NBAS: variants seen among roughly 807,000 people sequenced by gnomAD.
The protein encoded by NBAS is NBAS subunit of NRZ tethering complex, also known as NAG/BC035112 fusion.
Under a neutral mutation model 302.5 loss-of-function variants are expected in NBAS, and 219 were observed. The ratio of observed to expected loss-of-function variants is 0.72; its 90% confidence interval spans 0.65 to 0.81. The LOEUF (loss-of-function observed/expected upper bound fraction) is 0.81, where lower values mean the gene tolerates loss of function less well. NBAS is among the 30% of genes least tolerant of loss of function. The pLI, the probability that NBAS is intolerant of heterozygous loss-of-function variation, is 0.00. For synonymous variants in NBAS, 1,118 were observed against 1,021.6 expected (o/e 1.09, Z -1.80); for missense variants, 2,932 against 2,841.6 (o/e 1.03, Z -0.72).
intron 31 of NBAS, among the ~76,000 whole-genome samples, chr2:15,369,217 T>C (rs1407823347): frequency 6.6e-6 from 1 of 152,208 alleles, no homozygotes; most frequent in Admixed American, 6.5e-5. Flanking sequence ...GCTTTGTTGA[T>C]GAATTATTGT....
chr2:15,118,138 C>T, the NBAS span, among the ~76,000 whole-genome samples: 3 of 152,312 alleles, frequency 2.0e-5, no homozygotes, highest in South Asian at 6.2e-4. Context: ...CTATCTCGAC[C>T]GTGTCAGGCG....
intron 12 of NBAS, among the ~76,000 whole-genome samples, chr2:15,484,903 G>A (rs549527858): frequency 6.6e-6 from 1 of 152,088 alleles, no homozygotes; most frequent in South Asian, 2.1e-4. Context: ...GTTACACATA[G>A]GCTTTATTAT....
At chr2:15,238,962 A>G (rs1207328160) in intron 44 of NBAS, among the ~76,000 whole-genome samples, 1 of 152,196 alleles carries the variant, frequency 6.6e-6, no homozygotes, top group African/African-American at 2.4e-5. Context: ...GTTACAGTGC[A>G]AAAATGAGGA....
At chr2:15,457,287 T>C (rs1679290963) in intron 21 of NBAS, among the ~76,000 whole-genome samples, 1 of 152,168 alleles carries the variant, frequency 6.6e-6, no homozygotes, top group Admixed American at 6.5e-5. Context: ...TATTAAAAAG[T>C]CATTATTACT....
chr2:14,933,140 C>T, the NBAS span, among the ~76,000 whole-genome samples: 1 of 152,312 alleles, frequency 6.6e-6, no homozygotes, highest in Admixed American at 6.5e-5. Context: ...GGTTAAGTTA[C>T]TTGCTTGATA....
At chr2:15,550,320 AT>A (rs1482502172) in intron 6 of NBAS, among the ~76,000 whole-genome samples, 1 of 152,216 alleles carries the variant, frequency 6.6e-6, no homozygotes, top group East Asian at 1.9e-4. Flanking sequence ...TTAAGATAAA[AT>A]ATTTATACTG....
At chr2:15,202,536 A>G (rs913919843) in intron 48 of NBAS, among the ~76,000 whole-genome samples, 21 of 151,752 alleles carry the variant, frequency 1.4e-4, no homozygotes, top group South Asian at 1.3e-3. Context: ...TTATTTATTT[A>G]TTTATTTATT....
At chr2:15,265,181 C>T (rs991526224) in intron 44 of NBAS, among the ~76,000 whole-genome samples, 2 of 152,162 alleles carry the variant, frequency 1.3e-5, no homozygotes, top group African/African-American at 2.4e-5. Flanking sequence ...GCCTACATGG[C>T]TATATCAGGC....
intron 47 of NBAS, among the ~76,000 whole-genome samples, chr2:15,220,024 C>CG (rs1558449007): frequency 2.2e-5 from 3 of 137,412 alleles, no homozygotes; most frequent in Non-Finnish European, 1.6e-5. Context: ...GCTGGCCAGG[C>CG]GGGGGGCTGA....
rs79499495 is a variant in NBAS at position 15,473,697 on chromosome 2, C to T, written c.1600-350G>A. Among the ~76,000 whole-genome samples, 1,312 of 152,278 alleles carry T rather than the reference C, an allele frequency of 8.6e-3. 20 individuals carry two copies. Among genetic ancestry groups the T allele is most frequent in the East Asian group, 0.059 (307 of 5,170 alleles). ...CGTGAACACACAGTGCTGGTCACCT[C>T]GGCTTCCCAAGCAAGCCCTGGACTA... On this transcript the variant is annotated intron_variant, in intron 15 of 51. Coordinates refer to ENST00000281513, the MANE Select transcript of NBAS (RefSeq NM_015909.4).
chr2:14,903,702 T>C, the NBAS span, among the ~76,000 whole-genome samples: 1 of 152,234 alleles, frequency 6.6e-6, no homozygotes, highest in Non-Finnish European at 1.5e-5. Flanking sequence ...CACAACTGTT[T>C]TCACAGGAGC....
chr2:14,956,340 G>A, the NBAS span, among the ~76,000 whole-genome samples: 1 of 152,070 alleles, frequency 6.6e-6, no homozygotes, highest in Non-Finnish European at 1.5e-5. Flanking sequence ...AAGTCTCAAG[G>A]AAGTTCCAAA....
At chr2:15,388,963 AGG>A (rs1013143557) in intron 28 of NBAS, among the ~76,000 whole-genome samples, 10 of 152,254 alleles carry the variant, frequency 6.6e-5, no homozygotes, top group African/African-American at 2.4e-4. Context: ...AGTGTTTTGA[AGG>A]GGGGTAACTT....
At chr2:15,003,280 G>C in the NBAS span, among the ~76,000 whole-genome samples, 2 of 152,186 alleles carry the variant, frequency 1.3e-5, no homozygotes, top group African/African-American at 4.8e-5. Flanking sequence ...CATGTGTTTT[G>C]AATGATCAAG....
At chr2:14,782,152 T>A in the NBAS span, among the ~76,000 whole-genome samples, 1 of 152,072 alleles carries the variant, frequency 6.6e-6, no homozygotes, top group African/African-American at 2.4e-5. Flanking sequence ...GGCTAACAAG[T>A]AAAATCAACC....
the NBAS span, among the ~76,000 whole-genome samples, chr2:15,083,637 T>C: frequency 6.6e-6 from 1 of 152,348 alleles, no homozygotes; most frequent in South Asian, 2.1e-4. Flanking sequence ...CAACATAATA[T>C]ACAGAATCAT....
chr2:15,308,115 A>C, intron 40 of NBAS, 101 bp downstream of exon 40: 64 of 1,486,788 alleles, frequency 4.3e-5, no homozygotes, highest in Non-Finnish European at 5.4e-5. Flanking sequence ...CATTCTGGAT[A>C]CATATGTAAT....
At chr2:15,294,889 C>T (rs1157865738) in intron 40 of NBAS, among the ~76,000 whole-genome samples, 1 of 152,192 alleles carries the variant, frequency 6.6e-6, no homozygotes, top group Non-Finnish European at 1.5e-5. Context: ...TGCTTTCAGA[C>T]TGAAGTTTTC....
chr2:14,968,799 C>T, the NBAS span, among the ~76,000 whole-genome samples: 3 of 152,174 alleles, frequency 2.0e-5, no homozygotes, highest in Non-Finnish European at 4.4e-5. Flanking sequence ...CCTCAAATTA[C>T]TTACATGTAG....
Sources: gnomAD v4.1 joint callset for allele counts (sites outside exome capture counted in the v4.1 genomes callset) on GRCh38, gnomAD v4.1.1 for gene constraint, MANE v1.5 for transcripts, NCBI Gene and HGNC (gene_info 2026-07-23, HGNC 2026-07-21) for gene names.